KCNAB1: variants seen among roughly 807,000 people sequenced by gnomAD.
The protein encoded by KCNAB1 is potassium voltage-gated channel subfamily A regulatory beta subunit 1.
Under a neutral mutation model 64.6 loss-of-function variants are expected in KCNAB1, and 35 were observed. The ratio of observed to expected loss-of-function variants is 0.54; its 90% confidence interval spans 0.41 to 0.72. The LOEUF is 0.72. KCNAB1 is among the 30% of genes least tolerant of loss of function. The pLI, the probability that KCNAB1 is intolerant of heterozygous loss-of-function variation, is 0.00. For synonymous variants in KCNAB1, 177 were observed against 183.8 expected, an observed-to-expected ratio of 0.96 and a Z score of 0.30; for missense variants, 401 against 512.9, an observed-to-expected ratio of 0.78 and a Z score of 2.11.
At chr3:156,472,019 C>G (rs115431521) in intron 7 of KCNAB1, among the ~76,000 whole-genome samples, 1,611 of 152,274 alleles carry the variant, frequency 0.011, 45 homozygotes, top group African/African-American at 0.037. Context: ...TGCCTCGCCT[C>G]CTCTGAATGC....
At chr3:156,342,585 C>CTTTTTTTTTTTTTTTTTTTTTTTTTTT (rs60982892) in intron 1 of KCNAB1, among the ~76,000 whole-genome samples, 62 of 86,188 alleles carry the variant, frequency 7.2e-4, no homozygotes, top group Non-Finnish European at 1.0e-3. Context: ...CTATGTGTTT[C>CTTTTTTTTTTTTTTTTTTTTTTTTTTT]TTTTTTTTTT....
At chr3:156,358,298 A>C (rs1049207225) in intron 1 of KCNAB1, among the ~76,000 whole-genome samples, 7 of 152,200 alleles carry the variant, frequency 4.6e-5, no homozygotes, top group African/African-American at 1.2e-4. Flanking sequence ...CACCAACAAC[A>C]AAGCTAAGGT....
chr3:156,421,173 AACACAAAT>A (rs1158026010), intron 1 of KCNAB1, among the ~76,000 whole-genome samples: 1 of 152,212 alleles, frequency 6.6e-6, no homozygotes, highest in Non-Finnish European at 1.5e-5. Context: ...CAGGCCATTC[AACACAAAT>A]CAGAACTGTT....
At chr3:156,460,713 A>T (rs966237237) in intron 5 of KCNAB1, among the ~76,000 whole-genome samples, 9 of 152,230 alleles carry the variant, frequency 5.9e-5, no homozygotes, top group Non-Finnish European at 1.2e-4. Flanking sequence ...CTGTGTACTC[A>T]TGCTTCAACA....
chr3:156,375,985 A>G (rs926622252), intron 1 of KCNAB1, among the ~76,000 whole-genome samples: 7 of 152,146 alleles, frequency 4.6e-5, no homozygotes, highest in Admixed American at 3.9e-4. Context: ...ATGCCCGCCT[A>G]ATTTTTGTAT....
intron 1 of KCNAB1, among the ~76,000 whole-genome samples, chr3:156,410,010 G>T (rs1028492441): frequency 6.6e-6 from 1 of 152,152 alleles, no homozygotes; most frequent in African/African-American, 2.4e-5. Context: ...TAGCTACTGA[G>T]TAAGCATGTG....
intron 13 of KCNAB1, among the ~76,000 whole-genome samples, chr3:156,533,822 T>TG (rs1301454684): frequency 6.6e-6 from 1 of 152,090 alleles, no homozygotes; most frequent in Non-Finnish European, 1.5e-5. Context: ...CTGCCATTCC[T>TG]GGGGGCAGTC....
At chr3:156,240,463 C>T (rs770191970) in intron 1 of KCNAB1, among the ~76,000 whole-genome samples, 1 of 152,072 alleles carries the variant, frequency 6.6e-6, no homozygotes, top group East Asian at 1.9e-4. Flanking sequence ...CCAACATGTT[C>T]GTTCTCCTGA....
At chr3:156,474,849 T>G in intron 8 of KCNAB1, 29 bp downstream of exon 8, 1 of 1,532,772 alleles carries the variant, frequency 6.5e-7, no homozygotes, top group Admixed American at 1.7e-5. Flanking sequence ...TAAAATACTC[T>G]AGAAATCTTG....
At chr3:156,499,740 A>G in intron 8 of KCNAB1, among the ~76,000 whole-genome samples, 1 of 152,126 alleles carries the variant, frequency 6.6e-6, no homozygotes, top group East Asian at 1.9e-4. Context: ...ATGTAATAAT[A>G]CCACCTCATA....
At chr3:156,486,720 A>G (rs1715244507) in intron 8 of KCNAB1, among the ~76,000 whole-genome samples, 1 of 152,200 alleles carries the variant, frequency 6.6e-6, no homozygotes, top group South Asian at 2.1e-4. Flanking sequence ...GCTGGAGGAC[A>G]GGGATTTGAG....
intron 1 of KCNAB1, among the ~76,000 whole-genome samples, chr3:156,246,153 C>A (rs115289306): frequency 0.015 from 2,275 of 152,224 alleles, 57 homozygotes; most frequent in African/African-American, 0.052. Context: ...ATAATCATAG[C>A]TGGTAGTTGG....
intron 1 of KCNAB1, among the ~76,000 whole-genome samples, chr3:156,204,021 G>T (rs76051185): frequency 0.028 from 4,220 of 152,158 alleles, 213 homozygotes; most frequent in African/African-American, 0.096. Context: ...TACTTATTTG[G>T]GTCTTTCTCC....
intron 11 of KCNAB1, 108 bp downstream of exon 11, chr3:156,516,472 G>A (rs1025545780): frequency 2.4e-6 from 2 of 827,524 alleles, no homozygotes; most frequent in Non-Finnish European, 4.1e-6. Flanking sequence ...GGCTGACTGT[G>A]TTGTCCAGGC....
At chr3:156,119,134 T>C (rs966905750), upstream of KCNAB1, among the ~76,000 whole-genome samples, 1 of 152,188 alleles carries the variant, frequency 6.6e-6, no homozygotes, top group Non-Finnish European at 1.5e-5. Flanking sequence ...TGTTAATTGG[T>C]TAATATTGAT....
intron 1 of KCNAB1, chr3:156,291,567 TA>T: frequency 8.3e-7 from 1 of 1,199,744 alleles, no homozygotes; most frequent in African/African-American, 1.6e-5. Flanking sequence ...TAGGCTTCTG[TA>T]AAAACCTCCC....
At chr3:156,217,229 T>C (rs910443489) in intron 1 of KCNAB1, among the ~76,000 whole-genome samples, 2 of 152,214 alleles carry the variant, frequency 1.3e-5, no homozygotes, top group South Asian at 2.1e-4. Flanking sequence ...TGGTTCCAGT[T>C]CTGATGAATC....
chr3:156,342,428 C>G (rs891259882), intron 1 of KCNAB1, among the ~76,000 whole-genome samples: 1 of 152,050 alleles, frequency 6.6e-6, no homozygotes, highest in Non-Finnish European at 1.5e-5. Context: ...CCATGACACA[C>G]CATATAGTTC....
intron 8 of KCNAB1, among the ~76,000 whole-genome samples, chr3:156,486,340 G>A (rs1292172263): frequency 2.0e-5 from 3 of 152,096 alleles, no homozygotes; most frequent in African/African-American, 7.2e-5. Flanking sequence ...GGCTTCAAAA[G>A]TATAAAAGTT....
Sources: gnomAD v4.1 joint callset for allele counts (sites outside exome capture counted in the v4.1 genomes callset) on GRCh38, gnomAD v4.1.1 for gene constraint, MANE v1.5 for transcripts, NCBI Gene and HGNC (gene_info 2026-07-23, HGNC 2026-07-21) for gene names.